The following AGBL4 variants were observed in gnomAD, a reference collection of about 807,000 sequenced individuals.
The protein encoded by AGBL4 is AGBL carboxypeptidase 4, also known as cytosolic carboxypeptidase 6.
AGBL4 carries 58 observed loss-of-function variants against 66.4 expected under a neutral mutation model. That is an observed-to-expected ratio of 0.87 (90% confidence interval 0.71 to 1.09). The LOEUF is 1.09. Among genes scored for constraint, AGBL4 ranks in the 50% least tolerant of loss-of-function variants. The pLI, the probability that AGBL4 is intolerant of heterozygous loss-of-function variation, is 0.00. For synonymous variants in AGBL4, 234 were observed against 222.9 expected, an observed-to-expected ratio of 1.05 and a Z score of -0.44; for missense variants, 579 against 631.0, an observed-to-expected ratio of 0.92 and a Z score of 0.88.
At chr1:49,301,381 C>T (rs1479227435) in intron 3 of AGBL4, among the ~76,000 whole-genome samples, 1 of 152,218 alleles carries the variant, frequency 6.6e-6, no homozygotes, top group Non-Finnish European at 1.5e-5. Flanking sequence ...CTTTGCTAAT[C>T]ACTATGTGTG....
At chr1:48,642,705 TGAAA>T (rs1189396363) in intron 8 of AGBL4, among the ~76,000 whole-genome samples, 1 of 152,198 alleles carries the variant, frequency 6.6e-6, no homozygotes, top group African/African-American at 2.4e-5. Context: ...TACTCCTTTT[TGAAA>T]GGTCTGAGGG....
chr1:48,706,457 G>A (rs1646881567), intron 6 of AGBL4, among the ~76,000 whole-genome samples: 1 of 152,022 alleles, frequency 6.6e-6, no homozygotes, highest in African/African-American at 2.4e-5. Context: ...GCAGCTAACT[G>A]CCACATGGAA....
At chr1:49,465,210 TACACACAC>T (rs3054630) in intron 3 of AGBL4, among the ~76,000 whole-genome samples, 4,211 of 116,794 alleles carry the variant, frequency 0.036, 77 homozygotes, top group African/African-American at 0.044. Context: ...TACCCCTACA[TACACACAC>T]ACACACACAC....
At position 49,329,716 on chromosome 1, in the gene AGBL4, TTTTC is replaced by T. The variant is rs537002815; in HGVS notation, c.283-83856_283-83853del. 3.4e-3 allele frequency among the ~76,000 whole-genome samples: 510 copies of T among 151,176 alleles called. 1 individual carries two copies. The highest frequency in any genetic ancestry group is 0.011 in the African/African-American group (464 of 41,236). On this transcript the variant is annotated intron_variant, in intron 3 of 13. Coordinates refer to ENST00000371839, the MANE Select transcript of AGBL4 (RefSeq NM_032785.4). The stretch of plus-strand genomic sequence containing the variant: ...ACACATGTGAACATTCCTCATGCTA[TTTTC>T]TTTGTCTATCAAAATTCTATTAATC...
chr1:49,547,555 T>A (rs1484401181), intron 3 of AGBL4, among the ~76,000 whole-genome samples: 1 of 152,196 alleles, frequency 6.6e-6, no homozygotes, highest in Non-Finnish European at 1.5e-5. Flanking sequence ...ATGGTGGTAT[T>A]TGATGGGGAT....
intron 3 of AGBL4, among the ~76,000 whole-genome samples, chr1:49,616,754 A>G (rs1645256251): frequency 1.3e-5 from 2 of 152,076 alleles, no homozygotes; most frequent in Admixed American, 6.6e-5. Flanking sequence ...ATTAGCAGCA[A>G]TTTCATGACA....
intron 1 of AGBL4, among the ~76,000 whole-genome samples, chr1:49,871,159 C>T (rs1028068989): frequency 1.3e-5 from 2 of 152,040 alleles, no homozygotes; most frequent in Non-Finnish European, 2.9e-5. Context: ...ATACCAGCAT[C>T]TGGGCCCCTG....
intron 1 of AGBL4, among the ~76,000 whole-genome samples, chr1:49,900,435 G>A (rs570462219): frequency 6.6e-6 from 1 of 152,088 alleles, no homozygotes. Context: ...AGTAGAGACA[G>A]GGTTTCTCCA....
chr1:48,589,536 A>C (rs1321638081), intron 10 of AGBL4, among the ~76,000 whole-genome samples: 1 of 152,154 alleles, frequency 6.6e-6, no homozygotes, highest in East Asian at 1.9e-4. Context: ...CCTACACCAC[A>C]TACTGATCCC....
intron 4 of AGBL4, among the ~76,000 whole-genome samples, chr1:49,199,028 C>T (rs1314097359): frequency 2.6e-5 from 4 of 152,184 alleles, no homozygotes; most frequent in Non-Finnish European, 5.9e-5. Flanking sequence ...TTGTCTTCCA[C>T]TTCTGTGTCC....
chr1:49,970,714 C>CACAT (rs1215381436), intron 1 of AGBL4, among the ~76,000 whole-genome samples: 2 of 91,832 alleles, frequency 2.2e-5, no homozygotes, highest in East Asian at 7.8e-4. Flanking sequence ...ACAAAACACA[C>CACAT]ACACACACAC....
intron 5 of AGBL4, 62 bp from the exon 6 acceptor site, chr1:48,867,292 A>T: frequency 1.3e-6 from 2 of 1,551,878 alleles, no homozygotes; most frequent in Non-Finnish European, 1.8e-6. Context: ...TGTGCTTAGC[A>T]GGTCAGGGCG....
At chr1:49,609,628 G>C (rs1264211519) in intron 3 of AGBL4, among the ~76,000 whole-genome samples, 1 of 152,000 alleles carries the variant, frequency 6.6e-6, no homozygotes, top group Non-Finnish European at 1.5e-5. Context: ...AGTTTCAGGG[G>C]TACATGTACA....
intron 1 of AGBL4, among the ~76,000 whole-genome samples, chr1:49,978,903 C>T (rs1658810371): frequency 6.6e-6 from 1 of 152,114 alleles, no homozygotes; most frequent in African/African-American, 2.4e-5. Context: ...AAATAACATA[C>T]AGTTGGCCCT....
At chr1:49,793,485 G>A (rs1245202407) in intron 2 of AGBL4, among the ~76,000 whole-genome samples, 1 of 152,008 alleles carries the variant, frequency 6.6e-6, no homozygotes, top group African/African-American at 2.4e-5. Context: ...CATACAGACT[G>A]CTGCTCTGAA....
chr1:48,897,593 C>A (rs1022520439), intron 5 of AGBL4, among the ~76,000 whole-genome samples: 3 of 152,266 alleles, frequency 2.0e-5, no homozygotes, highest in African/African-American at 7.2e-5. Flanking sequence ...TACATTTCTA[C>A]CAACAGTGTA....
At chr1:48,881,496 T>C (rs777035401) in intron 5 of AGBL4, among the ~76,000 whole-genome samples, 2 of 152,142 alleles carry the variant, frequency 1.3e-5, no homozygotes, top group Non-Finnish European at 2.9e-5. Flanking sequence ...CCAACTTTAG[T>C]AGCACTGGGA....
intron 1 of AGBL4, among the ~76,000 whole-genome samples, chr1:49,952,164 G>A (rs1379328576): frequency 6.6e-6 from 1 of 151,824 alleles, no homozygotes; most frequent in African/African-American, 2.4e-5. Context: ...AAAAATAAAT[G>A]TATAACCCAA....
At chr1:48,854,873 T>C (rs1182366864) in intron 6 of AGBL4, among the ~76,000 whole-genome samples, 1 of 152,138 alleles carries the variant, frequency 6.6e-6, no homozygotes, top group African/African-American at 2.4e-5. Context: ...ACATGTGGCC[T>C]GAGAATGGTG....
Sources: allele counts gnomAD v4.1 joint callset (sites outside exome capture counted in the v4.1 genomes callset), GRCh38; gene constraint gnomAD v4.1.1; transcripts MANE v1.5; gene names NCBI Gene and HGNC (gene_info 2026-07-23, HGNC 2026-07-21).